Variants in MYO1D observed in about 807,000 individuals in gnomAD.
MYO1D encodes myosin ID.
Under a neutral mutation model 122.0 loss-of-function variants are expected in MYO1D, and 83 were observed. The observed-to-expected ratio is 0.68, with a 90% confidence interval of 0.57 to 0.82. The LOEUF is 0.82. Among genes scored for constraint, MYO1D ranks in the 40% least tolerant of loss-of-function variants. The pLI, the probability that MYO1D is intolerant of heterozygous loss-of-function variation, is 0.00. For missense variants in MYO1D, 1,157 were observed against 1,269.5 expected (o/e 0.91, Z 1.35); for synonymous variants, 464 against 446.9 (o/e 1.04, Z -0.48).
intron 20 of MYO1D, among the ~76,000 whole-genome samples, chr17:32,617,274 C>T (rs574702927): frequency 1.4e-4 from 22 of 152,284 alleles, no homozygotes; most frequent in South Asian, 4.1e-4. Flanking sequence ...TAAGGCTCTC[C>T]GGTCAGCAGT....
At chr17:32,846,873 G>A (rs765693781) in intron 1 of MYO1D, among the ~76,000 whole-genome samples, 16 of 151,978 alleles carry the variant, frequency 1.1e-4, no homozygotes, top group Non-Finnish European at 2.2e-4. Flanking sequence ...TGAAGTTCAA[G>A]CTACTCGGGA....
chr17:32,646,675 C>T (rs2088299467), intron 19 of MYO1D, among the ~76,000 whole-genome samples: 1 of 152,114 alleles, frequency 6.6e-6, no homozygotes. Flanking sequence ...AACCTCAAAG[C>T]AGCAATTGTA....
At chr17:32,796,363 T>C (rs1173345357) in intron 1 of MYO1D, among the ~76,000 whole-genome samples, 9 of 152,208 alleles carry the variant, frequency 5.9e-5, no homozygotes, top group Admixed American at 3.9e-4. Context: ...TATGAATTGA[T>C]AACAATTATG....
intron 1 of MYO1D, among the ~76,000 whole-genome samples, chr17:32,844,031 A>T (rs1237434248): frequency 6.6e-6 from 1 of 151,326 alleles, no homozygotes; most frequent in African/African-American, 2.4e-5. Context: ...ATATACACAT[A>T]CATACACACA....
At position 32,755,643 on chromosome 17, in the gene MYO1D, T is replaced by C. The variant is rs926159018; in HGVS notation, c.1316A>G (p.Gln439Arg). 1 of 1,613,388 alleles carries C rather than the reference T, an allele frequency of 6.2e-7. No homozygotes were observed. Among genetic ancestry groups the C allele is most frequent in the Non-Finnish European group, 8.5e-7 (1 of 1,179,526 alleles). The change falls in exon 11 of 22, where the codon CAG (glutamine) becomes CGG (arginine). Residue 439 changes from glutamine (Q) to arginine (R), a missense_variant. Transcript: ENST00000318217. ...TTGCTCCACGAGGTCAACAATGATCTGATTGTTGAAGTAGTCAATCTGTAG... is the reference window on the plus strand; with the variant it reads ...TTGCTCCACGAGGTCAACAATGATCCGATTGTTGAAGTAGTCAATCTGTAG... ...PWKHIDYFNN[Q>R]IIVDLVEQQH...
chr17:32,855,819 A>G (rs2091023317), intron 1 of MYO1D, among the ~76,000 whole-genome samples: 1 of 152,240 alleles, frequency 6.6e-6, no homozygotes, highest in South Asian at 2.1e-4. Flanking sequence ...AAACATACTC[A>G]TCTCTGGAAC....
chr17:32,709,680 C>T (rs1237232509), intron 16 of MYO1D, among the ~76,000 whole-genome samples: 3 of 151,944 alleles, frequency 2.0e-5, no homozygotes, highest in Non-Finnish European at 4.4e-5. Context: ...GAAACCAACA[C>T]TTAGAAACAT....
At chr17:32,806,705 G>A (rs550900307) in intron 1 of MYO1D, among the ~76,000 whole-genome samples, 19 of 152,128 alleles carry the variant, frequency 1.2e-4, no homozygotes, top group Non-Finnish European at 2.6e-4. Flanking sequence ...TATCTAAAGA[G>A]ATTAATAATA....
chr17:32,822,457 C>A (rs550098355), intron 1 of MYO1D, among the ~76,000 whole-genome samples: 1 of 151,822 alleles, frequency 6.6e-6, no homozygotes, highest in South Asian at 2.1e-4. Flanking sequence ...TCCCGCCGAC[C>A]ACGGGCAGTG....
chr17:32,763,428 G>C (rs929202165), intron 8 of MYO1D, among the ~76,000 whole-genome samples: 1 of 152,148 alleles, frequency 6.6e-6, no homozygotes, highest in Non-Finnish European at 1.5e-5. Context: ...TTTATGATAT[G>C]CTAAGAACAC....
chr17:32,539,681 G>A (rs946962451), intron 21 of MYO1D, among the ~76,000 whole-genome samples: 2 of 152,110 alleles, frequency 1.3e-5, no homozygotes, highest in African/African-American at 4.8e-5. Context: ...TTAGTGCCAC[G>A]TAGGGCTCAC....
chr17:32,553,259 C>T (rs1050076765), intron 21 of MYO1D, among the ~76,000 whole-genome samples: 2 of 152,110 alleles, frequency 1.3e-5, no homozygotes, highest in Non-Finnish European at 1.5e-5. Context: ...AGGTGGCATG[C>T]TAGCTAGAGA....
At chr17:32,643,965 A>G (rs2088246347) in intron 19 of MYO1D, among the ~76,000 whole-genome samples, 1 of 152,018 alleles carries the variant, frequency 6.6e-6, no homozygotes, top group Non-Finnish European at 1.5e-5. Context: ...TAGCTTTTGA[A>G]TATGTTTGCT....
chr17:32,862,667 T>C (rs1263445590), intron 1 of MYO1D, among the ~76,000 whole-genome samples: 2 of 152,022 alleles, frequency 1.3e-5, no homozygotes, highest in African/African-American at 4.8e-5. Flanking sequence ...GGTGAAAAAA[T>C]GGAAAACTTG....
At chr17:32,842,886 CTTT>C (rs34927176) in intron 1 of MYO1D, among the ~76,000 whole-genome samples, 19 of 104,440 alleles carry the variant, frequency 1.8e-4, no homozygotes, top group Admixed American at 7.8e-4. Flanking sequence ...CTATTTCTTT[CTTT>C]TTTTTTTTTT....
intron 1 of MYO1D, among the ~76,000 whole-genome samples, chr17:32,814,561 CAT>C (rs1222037201): frequency 6.6e-6 from 1 of 152,132 alleles, no homozygotes; most frequent in Non-Finnish European, 1.5e-5. Context: ...AAAGAAGAGA[CAT>C]ATAATTTGGA....
chr17:32,866,001 C>T (rs1420458773), intron 1 of MYO1D, among the ~76,000 whole-genome samples: 1 of 152,166 alleles, frequency 6.6e-6, no homozygotes, highest in Admixed American at 6.5e-5. Flanking sequence ...GTCTGGCTCT[C>T]TAGGGTCTCT....
In MYO1D at chr17:32,492,983, C is replaced by CT. The variant is rs887980864; in HGVS notation, c.*1775dup. 2 of 152,676 alleles carry CT rather than the reference C, an allele frequency of 1.3e-5. No individual in the cohort carries two copies. Among genetic ancestry groups the CT allele is most frequent in the African/African-American group, 4.8e-5 (2 of 41,462 alleles). The allele number at this position is 152,676 out of a possible 1,614,324, so 9.5% of individuals were successfully genotyped here. On this transcript the variant is annotated 3_prime_UTR_variant, in exon 22 of 22. Transcript: ENST00000318217. The stretch of plus-strand genomic sequence containing the variant: ...CCAGGCCCTCCTCCTGCCCTCCAGC[C>CT]TTTGACAGGCAACTCATTTGGCATG...
At chr17:32,699,023 A>T (rs2089210751) in intron 16 of MYO1D, among the ~76,000 whole-genome samples, 1 of 152,020 alleles carries the variant, frequency 6.6e-6, no homozygotes, top group South Asian at 2.1e-4. Flanking sequence ...GTTGGAGTGC[A>T]GTGGTACCAT....
Sources: gnomAD v4.1 joint callset for allele counts (sites outside exome capture counted in the v4.1 genomes callset) on GRCh38, gnomAD v4.1.1 for gene constraint, MANE v1.5 for transcripts, NCBI Gene and HGNC (gene_info 2026-07-23, HGNC 2026-07-21) for gene names.